ZDHHC11B: variants seen among roughly 807,000 people sequenced by gnomAD.
ZDHHC11B encodes zDHHC palmitoyltransferase 11B (putative), also known as probable palmitoyltransferase ZDHHC11B.
ZDHHC11B carries 17 observed loss-of-function variants against 42.3 expected under a neutral mutation model. The observed-to-expected ratio is 0.40, with a 90% CI of 0.27 to 0.60. The LOEUF is 0.60. ZDHHC11B is among the 20% of genes least tolerant of loss of function. The pLI is 0.41. For synonymous variants in ZDHHC11B, 123 were observed against 193.5 expected, an observed-to-expected ratio of 0.64 and a Z score of 3.02; for missense variants, 262 against 463.2, an observed-to-expected ratio of 0.57 and a Z score of 3.99.
chr5:750,324 C>T (rs1344171390), intron 7 of ZDHHC11B, among the ~76,000 whole-genome samples: 12 of 133,934 alleles, frequency 9.0e-5, no homozygotes, highest in African/African-American at 1.1e-4. Context: ...GCGCTGCCTC[C>T]GCAGGGTCCA....
intron 4 of ZDHHC11B, among the ~76,000 whole-genome samples, chr5:762,774 C>T (rs1734791027): frequency 6.6e-6 from 1 of 151,348 alleles, no homozygotes; most frequent in Admixed American, 6.6e-5. Flanking sequence ...AAAGTAAACC[C>T]AAGGTCAGTT....
chr5:719,851 ATAAT>A (rs1175644583), intron 12 of ZDHHC11B, among the ~76,000 whole-genome samples: 1 of 151,832 alleles, frequency 6.6e-6, no homozygotes, highest in East Asian at 1.9e-4. Context: ...AATTCCAGAA[ATAAT>A]TCACAAGTTT....
rs1195352284 is a variant in ZDHHC11B at position 745,552 on chromosome 5, C to A, written c.785-254G>T. ...GGGGAACGGTGCTGACTCAGGCCCC[C>A]CCGCCTGCCAAGGCCTCATTGAGCT... On this transcript the variant is annotated intron_variant, in intron 8 of 13. Coordinates refer to ENST00000508859, the MANE Select transcript of ZDHHC11B (RefSeq NM_001351303.2). 4.0e-3 allele frequency among the ~76,000 whole-genome samples: 604 copies of A among 149,768 alleles called. 1 individual carries two copies. Among genetic ancestry groups the A allele is most frequent in the African/African-American group, 0.013 (535 of 40,710 alleles).
In ZDHHC11B at chr5:712,046, T is replaced by C. The variant is rs1741420720; in HGVS notation, c.*244A>G. The C allele has an allele frequency of 8.2e-6, 1 of 121,288 alleles. No homozygotes were observed. The highest frequency in any genetic ancestry group is 3.2e-5 in the African/African-American group (1 of 30,782). 7.5% of individuals were successfully genotyped at this position (121,288 alleles called of 1,614,324 possible). Reference sequence around the variant, plus strand: ...ATCTTCCTGGAGATGTAAACCCTCCTGCAAGGCTGGCTCTTCTTTGGGTGT... The same window carrying C: ...ATCTTCCTGGAGATGTAAACCCTCCCGCAAGGCTGGCTCTTCTTTGGGTGT... On this transcript the variant is annotated 3_prime_UTR_variant, in exon 14 of 14. Transcript: ENST00000508859.
At position 717,709 on chromosome 5, in the gene ZDHHC11B, G is replaced by A. The variant is rs367682103; in HGVS notation, c.1059-844C>T. ...TTGGATCAGAAATGATGACTCCTAG[G>A]AGGAAAGGATGCAAATGGGAGCTGA... On this transcript the variant is annotated intron_variant, in intron 12 of 13. Transcript: ENST00000508859. Among the ~76,000 whole-genome samples, 43 of 151,732 alleles carry A rather than the reference G, an allele frequency of 2.8e-4. 2 individuals are homozygous for A. The highest frequency in any genetic ancestry group is 2.5e-4 in the Non-Finnish European group (17 of 67,972).
rs1744673900 is a variant in ZDHHC11B at position 745,424 on chromosome 5, C to T, written c.785-126G>A. On this transcript the variant is annotated intron_variant, in intron 8 of 13. Transcript: ENST00000508859. ...CCCCTGCACAGGGAGAACTGCTCCG[C>T]CCACCATGCAGGCCCTGTGAGGTCA... 9.6e-6 allele frequency: 8 copies of T among 829,800 alleles called. No individual in the cohort carries two copies. The East Asian group carries it at 1.6e-4, about 17-fold the overall frequency. 51.4% of individuals were successfully genotyped at this position (829,800 alleles called of 1,614,324 possible).
rs759311369 is a variant in ZDHHC11B at position 766,687 on chromosome 5, GA to G, written c.222+10del. On this transcript the variant is annotated intron_variant, in intron 4 of 13. Transcript: ENST00000508859. ...CCTCCCGCTTAGACCATGCCACGAT[GA>G]AAAGGATACCACATAGGCGATGTAT... 1.1e-5 allele frequency: 18 copies of G among 1,601,342 alleles called. 1 individual carries two copies. Among genetic ancestry groups the G allele is most frequent in the Non-Finnish European group, 1.4e-5 (16 of 1,172,774 alleles).
At chr5:749,253 T>C (rs1348018155) in intron 7 of ZDHHC11B, among the ~76,000 whole-genome samples, 1 of 130,512 alleles carries the variant, frequency 7.7e-6, no homozygotes, top group Non-Finnish European at 1.7e-5. Flanking sequence ...AGCTCTCACC[T>C]GGGGTCATTT....
intron 7 of ZDHHC11B, among the ~76,000 whole-genome samples, chr5:750,236 G>T (rs1210843413): frequency 7.8e-6 from 1 of 128,426 alleles, no homozygotes; most frequent in African/African-American, 2.8e-5. Flanking sequence ...ATGGTGGCGG[G>T]TGGGGGCAGC....
At chr5:714,849 C>T (rs1374786619) in intron 13 of ZDHHC11B, among the ~76,000 whole-genome samples, 2 of 150,956 alleles carry the variant, frequency 1.3e-5, no homozygotes, top group Non-Finnish European at 3.0e-5. Context: ...GGCTGGACCC[C>T]CTATGAACAG....
chr5:752,516 C>T lies in ZDHHC11B; in HGVS notation c.504-1259G>A, dbSNP rs1205211955. On this transcript the variant is annotated intron_variant, in intron 6 of 13. Transcript: ENST00000508859. The stretch of plus-strand genomic sequence containing the variant: ...TTTTTTTTAAAGTATCCTTTAACCT[C>T]CTTTAATCCTTTCCATTGTATTATG... Among the ~76,000 whole-genome samples the T allele has an allele frequency of 3.5e-5, 3 of 85,418 alleles. 1 individual carries two copies. The Admixed American group carries it at 4.5e-4, about 13-fold the overall frequency. The allele number at this position is 85,418 out of a possible 152,430, so 56.0% of individuals were successfully genotyped here.
At position 732,904 on chromosome 5, in the gene ZDHHC11B, T is replaced by A. The variant is rs185852660; in HGVS notation, c.1023+848A>T. ...CTCTTAAGAAATAAAAAACAAAAAA[T>A]AAATTGGCTGGGTGTGGTGGCACAC... On this transcript the variant is annotated intron_variant, in intron 11 of 13. Coordinates refer to ENST00000508859, the MANE Select transcript of ZDHHC11B (RefSeq NM_001351303.2). Among the ~76,000 whole-genome samples the A allele has an allele frequency of 1.8e-3, 279 of 151,740 alleles. 3 individuals carry two copies. The highest frequency in any genetic ancestry group is 6.4e-3 in the African/African-American group (263 of 41,184).
At chr5:777,600 C>T (rs1736632015) in intron 1 of ZDHHC11B, among the ~76,000 whole-genome samples, 1 of 151,974 alleles carries the variant, frequency 6.6e-6, no homozygotes, top group Non-Finnish European at 1.5e-5. Flanking sequence ...CTGACCCCAC[C>T]CACATCCTGC....
At chr5:776,889 C>A (rs1194447437) in intron 1 of ZDHHC11B, among the ~76,000 whole-genome samples, 3 of 151,908 alleles carry the variant, frequency 2.0e-5, no homozygotes, top group East Asian at 1.9e-4. Flanking sequence ...ATCGCACGGC[C>A]CTCCTGCTCC....
rs1423797683 is a variant in ZDHHC11B, at chr5:712,803, G to A, written c.*8-521C>T. On this transcript the variant is annotated intron_variant, in intron 13 of 13. Transcript: ENST00000508859. ...GGGCAACTGTAGGCCCAGCTACATG[G>A]GAGGCTGAGGCAGGAGAATGTTGTG... 2.6e-5 allele frequency among the ~76,000 whole-genome samples: 4 copies of A among 151,724 alleles called. No individual in the cohort carries two copies. In the East Asian group the frequency reaches 7.7e-4, roughly 29 times the overall value.
intron 9 of ZDHHC11B, among the ~76,000 whole-genome samples, chr5:742,388 C>G (rs369645): frequency 6.9e-6 from 1 of 144,714 alleles, no homozygotes; most frequent in Non-Finnish European, 1.5e-5. Context: ...TTGTGTATTC[C>G]GGACATCAGT....
chr5:736,025 G>A lies in ZDHHC11B; in HGVS notation c.936-2186C>T, dbSNP rs1377347184. On this transcript the variant is annotated intron_variant, in intron 10 of 13. Transcript: ENST00000508859. ...AGCACCATCTAAAAAATACAGAGTG[G>A]AAGAATGGAGAAAAATCCACCAACC... 7.3e-5 allele frequency among the ~76,000 whole-genome samples: 11 copies of A among 149,858 alleles called. 1 individual carries two copies. The South Asian group carries it at 2.2e-3, about 30-fold the overall frequency.
intron 12 of ZDHHC11B, among the ~76,000 whole-genome samples, chr5:720,736 G>T (rs1242276834): frequency 6.6e-6 from 1 of 151,604 alleles, no homozygotes; most frequent in East Asian, 1.9e-4. Flanking sequence ...GGTGCACACT[G>T]TATAAAAATG....
rs751094493 is a variant in ZDHHC11B, at chr5:716,789, C to A, written c.*7+12G>T. The A allele has an allele frequency of 2.0e-5, 32 of 1,612,858 alleles. No homozygotes were observed. The highest frequency in any genetic ancestry group is 3.3e-5 in the Admixed American group (2 of 59,926). On this transcript the variant is annotated intron_variant, in intron 13 of 13. Transcript: ENST00000508859. ...TAGATTTCAACATGACCTGCACTGCCACGTATCTTACCCGAATCTCAGTCT... is the reference window on the plus strand; with the variant it reads ...TAGATTTCAACATGACCTGCACTGCAACGTATCTTACCCGAATCTCAGTCT...
Sources: allele counts gnomAD v4.1 joint callset (sites outside exome capture counted in the v4.1 genomes callset), GRCh38; gene constraint gnomAD v4.1.1; transcripts MANE v1.5; gene names NCBI Gene and HGNC (gene_info 2026-07-23, HGNC 2026-07-21).